The following GPR26 variants were observed in gnomAD, a reference collection of about 807,000 sequenced individuals.
GPR26 encodes the protein G protein-coupled receptor 26.
A neutral mutation model predicts 23.1 loss-of-function variants in GPR26; 15 were observed. The observed-to-expected ratio is 0.65, with a 90% CI of 0.43 to 1.00. The LOEUF (loss-of-function observed/expected upper bound fraction) is 1.00. GPR26 is among the 50% of genes least tolerant of loss of function. The probability of loss-of-function intolerance (pLI) is 0.00; values close to 1 mark genes in which losing one functional copy is unlikely to be tolerated. For missense variants in GPR26, 359 were observed against 470.5 expected (o/e 0.76, Z 2.19); for synonymous variants, 228 against 222.1 (o/e 1.03, Z -0.24).
Position 123,680,239 on chromosome 10 carries a change from G to A in GPR26, c.782+5308G>A, listed in dbSNP as rs143505958. On this transcript the variant is annotated intron_variant, in intron 2 of 2. Coordinates refer to ENST00000284674, the MANE Select transcript of GPR26 (RefSeq NM_153442.4). ...AGATGGGATTAATGGGGACCAGGAG[G>A]CAGCCCTTGGGTGGAGCTTGTTTGA... 3.9e-4 allele frequency among the ~76,000 whole-genome samples: 59 copies of A among 152,324 alleles called. 1 individual carries two copies. Among genetic ancestry groups the A allele is most frequent in the Middle Eastern group, 3.4e-3 (1 of 294 alleles).
intron 2 of GPR26, among the ~76,000 whole-genome samples, chr10:123,686,280 A>G (rs1845429625): frequency 1.3e-5 from 2 of 152,238 alleles, no homozygotes; most frequent in Non-Finnish European, 2.9e-5. Flanking sequence ...CAGCTAATTC[A>G]TTGTTATTAT....
rs1845449918 is a variant in GPR26, at chr10:123,688,126, C to A, written c.980C>A (p.Ser327Tyr). The A allele has an allele frequency of 6.2e-7, 1 of 1,612,928 alleles. No individual in the cohort carries two copies. Among genetic ancestry groups the A allele is most frequent in the Admixed American group, 1.7e-5 (1 of 60,014 alleles). Residue 327 changes from serine (S) to tyrosine (Y), a missense_variant, in exon 3 of 3, where the codon TCT becomes TAT. Ser to Tyr is a moderately radical substitution (Grantham distance 144, BLOSUM62 -2). Transcript: ENST00000284674. ...SIHSSGLTGD[S>Y]HSQNILPVSE ...CACTCCTCTGGCCTCACAGGCGACTCTCACAGCCAGAACATTCTGCCGGTG... is the reference window on the plus strand; with the variant it reads ...CACTCCTCTGGCCTCACAGGCGACTATCACAGCCAGAACATTCTGCCGGTG...
chr10:123,683,780 GT>G (rs1347080210), intron 2 of GPR26, among the ~76,000 whole-genome samples: 1 of 152,216 alleles, frequency 6.6e-6, no homozygotes, highest in East Asian at 1.9e-4. Flanking sequence ...GAACATAGGA[GT>G]ACAAGCACAC....
intron 2 of GPR26, among the ~76,000 whole-genome samples, chr10:123,675,647 A>G (rs1845295892): frequency 6.6e-6 from 1 of 152,218 alleles, no homozygotes; most frequent in East Asian, 1.9e-4. Flanking sequence ...AGTTTTGTGC[A>G]CTGGAGGGAA....
At chr10:123,686,459 G>A (rs1406412445) in intron 2 of GPR26, among the ~76,000 whole-genome samples, 3 of 152,168 alleles carry the variant, frequency 2.0e-5, no homozygotes, top group South Asian at 2.1e-4. Flanking sequence ...GGGTCAGAGG[G>A]CAAAGGTAGA....
In GPR26 at chr10:123,694,483, A is replaced by G. The variant is rs1238480062; in HGVS notation, c.*6323A>G. ...TAGGTCTCTTTTAGAAAGAGAGGAC[A>G]TGGAGAAAATCCATATATTTTTAGC... is the stretch of plus-strand genomic sequence containing the variant. On this transcript the variant is annotated 3_prime_UTR_variant, in exon 3 of 3. Transcript: ENST00000284674. 2 of 152,142 alleles carry G rather than the reference A, an allele frequency of 1.3e-5. No homozygotes were observed. The highest frequency in any genetic ancestry group is 2.9e-5 in the Non-Finnish European group (2 of 68,022). 9.4% of individuals were successfully genotyped at this position (152,142 alleles called of 1,614,324 possible).
intron 2 of GPR26, among the ~76,000 whole-genome samples, chr10:123,676,490 G>A (rs770451787): frequency 3.9e-5 from 6 of 152,268 alleles, no homozygotes; most frequent in Middle Eastern, 3.4e-3. Flanking sequence ...CTCCTAGTGA[G>A]GCAGGGGTAC....
chr10:123,668,254 C>G (rs182019259), intron 1 of GPR26, among the ~76,000 whole-genome samples: 9 of 152,154 alleles, frequency 5.9e-5, no homozygotes, highest in Admixed American at 5.9e-4. Context: ...ATTTCCTGCA[C>G]GAGAGCAGTA....
intron 1 of GPR26, among the ~76,000 whole-genome samples, chr10:123,667,600 T>TGTGTGTGTGA (rs1359354942): frequency 1.4e-5 from 2 of 139,178 alleles, no homozygotes; most frequent in Non-Finnish European, 3.1e-5. Flanking sequence ...TGTGTGTGTG[T>TGTGTGTGTGA]GAATTCTGAT....
intron 2 of GPR26, among the ~76,000 whole-genome samples, chr10:123,686,902 G>C (rs1386842103): frequency 6.6e-6 from 1 of 152,122 alleles, no homozygotes; most frequent in Non-Finnish European, 1.5e-5. Context: ...AGTGTTATAT[G>C]ATCTCCAGAC....
intron 2 of GPR26, among the ~76,000 whole-genome samples, chr10:123,681,121 G>A (rs1845370206): frequency 6.6e-6 from 1 of 152,100 alleles, no homozygotes; most frequent in African/African-American, 2.4e-5. Flanking sequence ...TGACAGGCAT[G>A]AGCCACCATG....
chr10:123,689,851 C>T lies in GPR26; in HGVS notation c.*1691C>T, dbSNP rs1167278531. On this transcript the variant is annotated 3_prime_UTR_variant, in exon 3 of 3. Transcript: ENST00000284674. The stretch of plus-strand genomic sequence containing the variant: ...GAGACTAGAATGGAGACAGGTGTAG[C>T]TTCCAAGGAGGCCTTGGCATCTTGC... 1.3e-5 allele frequency: 2 copies of T among 152,156 alleles called. No individual in the cohort carries two copies. Among genetic ancestry groups the T allele is most frequent in the Admixed American group, 6.5e-5 (1 of 15,268 alleles). 9.4% of individuals were successfully genotyped at this position (152,156 alleles called of 1,614,324 possible). A position where few individuals can be genotyped will look rare whatever the true frequency, so the allele number is the denominator to read the frequency against.
In GPR26 at chr10:123,666,686, C is replaced by A; in HGVS notation, c.279C>A (p.Ser93=). 6.3e-7 allele frequency: 1 copy of A among 1,599,510 alleles called. No individual in the cohort carries two copies. Among genetic ancestry groups the A allele is most frequent in the Non-Finnish European group, 8.5e-7 (1 of 1,178,298 alleles). The part of the protein sequence containing the change: ...AFLDTFLAAN[S]MLSMAALSID... ...TCGACACCTTCCTGGCTGCCAACTCCATGCTCAGCATGGCCGCGCTCAGCA... is the reference window on the plus strand; with the variant it reads ...TCGACACCTTCCTGGCTGCCAACTCAATGCTCAGCATGGCCGCGCTCAGCA... Residue 93 remains serine (S), a synonymous_variant, in exon 1 of 3, where the codon TCC becomes TCA. Coordinates refer to ENST00000284674, the MANE Select transcript of GPR26 (RefSeq NM_153442.4).
Position 123,666,369 on chromosome 10 carries a change from C to G in GPR26, c.-39C>G, listed in dbSNP as rs1413720750. The G allele has an allele frequency of 1.6e-6, 2 of 1,279,584 alleles. No homozygotes were observed. The highest frequency in any genetic ancestry group is 6.4e-5 in the East Asian group (2 of 31,436). The allele number at this position is 1,279,584 out of a possible 1,614,324, so 79.3% of individuals were successfully genotyped here. On this transcript the variant is annotated 5_prime_UTR_variant, in exon 1 of 3. Coordinates refer to ENST00000284674, the MANE Select transcript of GPR26 (RefSeq NM_153442.4). Reference sequence around the variant, plus strand: ...GCCGCGGGCAGCGCCATGGCGGCGCCGGGTTGCGGACCCTGAGCGCCGGCG... The same window carrying G: ...GCCGCGGGCAGCGCCATGGCGGCGCGGGGTTGCGGACCCTGAGCGCCGGCG...
At position 123,666,476 on chromosome 10, in the gene GPR26, C is replaced by T; in HGVS notation, c.69C>T (p.Asn23=). The change falls in exon 1 of 3, where the codon AAC becomes AAT. Residue 23 remains asparagine (N), a synonymous_variant. Coordinates refer to ENST00000284674, the MANE Select transcript of GPR26 (RefSeq NM_153442.4). ...CGATGGGCGTCTCGCTGCTGTCCAA[C>T]GCGCTGGTGCTGCTCTGCCTGCTGC... ...VGTMGVSLLS[N]ALVLLCLLHS... 1 of 1,558,102 alleles carries T rather than the reference C, an allele frequency of 6.4e-7. No homozygotes were observed. The highest frequency in any genetic ancestry group is 1.2e-5 in the South Asian group (1 of 84,948).
Position 123,688,507 on chromosome 10 carries a change from G to T in GPR26, c.*347G>T. 3.1e-6 allele frequency: 1 copy of T among 320,252 alleles called. No individual in the cohort carries two copies. Among genetic ancestry groups the T allele is most frequent in the Non-Finnish European group, 6.0e-6 (1 of 167,114 alleles). The allele number at this position is 320,252 out of a possible 1,614,324, so 19.8% of individuals were successfully genotyped here. On this transcript the variant is annotated 3_prime_UTR_variant, in exon 3 of 3. Coordinates refer to ENST00000284674, the MANE Select transcript of GPR26 (RefSeq NM_153442.4). ...GCTGGTGGTAGGTGGGAAGCATGGT[G>T]TCCACCTGCCTGCTGACCACTGGAC...
rs1845181845 is a variant in GPR26, at chr10:123,666,359, A to G, written c.-49A>G. 1 of 1,226,208 alleles carries G rather than the reference A, an allele frequency of 8.2e-7. No homozygotes were observed. The highest frequency in any genetic ancestry group is 1.0e-6 in the Non-Finnish European group (1 of 965,470). 76.0% of individuals were successfully genotyped at this position (1,226,208 alleles called of 1,614,324 possible). A position where few individuals can be genotyped will look rare whatever the true frequency, so the allele number is the denominator to read the frequency against. ...GGCTGAGCCGGCCGCGGGCAGCGCCATGGCGGCGCCGGGTTGCGGACCCTG... is the reference window on the plus strand; with the variant it reads ...GGCTGAGCCGGCCGCGGGCAGCGCCGTGGCGGCGCCGGGTTGCGGACCCTG... On this transcript the variant is annotated 5_prime_UTR_variant, in exon 1 of 3. An upstream start codon of the reference 5' UTR is lost. Coordinates refer to ENST00000284674, the MANE Select transcript of GPR26 (RefSeq NM_153442.4).
intron 1 of GPR26, among the ~76,000 whole-genome samples, chr10:123,673,770 A>G (rs373664982): frequency 1.3e-5 from 2 of 152,292 alleles, no homozygotes; most frequent in South Asian, 4.1e-4. Flanking sequence ...CATGCCACAT[A>G]CTGTGTGCAT....
In GPR26 at chr10:123,674,714, C is replaced by CA. The variant is rs968329774; in HGVS notation, c.669-102dup. ...CGCTGGGTCTTTCCGACTCCATAGT[C>CA]AAGTTCTCACACTAGAGACTGCTGC... On this transcript the variant is annotated intron_variant, in intron 1 of 2. Coordinates refer to ENST00000284674, the MANE Select transcript of GPR26 (RefSeq NM_153442.4). This position sits in a 1 kb window ranked among gnomAD's most constrained non-coding sequence, Gnocchi z 4.1. 1.8e-5 allele frequency: 13 copies of CA among 715,972 alleles called. No individual in the cohort carries two copies. Among genetic ancestry groups the CA allele is most frequent in the African/African-American group, 1.8e-4 (10 of 56,786 alleles). The allele number at this position is 715,972 out of a possible 1,614,324, so 44.4% of individuals were successfully genotyped here. A position where few individuals can be genotyped will look rare whatever the true frequency, so the allele number is the denominator to read the frequency against.
Sources: gnomAD v4.1 joint callset for allele counts (sites outside exome capture counted in the v4.1 genomes callset) on GRCh38, gnomAD v4.1.1 for gene constraint, Gnocchi (gnomAD v3.1) non-coding constraint, MANE v1.5 for transcripts, NCBI Gene and HGNC (gene_info 2026-07-23, HGNC 2026-07-21) for gene names.